The following STS variants were observed in gnomAD, a reference collection of about 807,000 sequenced individuals.
STS encodes steryl-sulfatase.
STS carries 7 observed loss-of-function variants against 26.8 expected under a neutral mutation model. That is an observed-to-expected ratio of 0.26 (90% CI 0.15 to 0.49). The LOEUF is 0.49. STS is among the 20% of genes least tolerant of loss of function. STS has a pLI of 0.98. For missense variants in STS, 434 were observed against 465.6 expected, an observed-to-expected ratio of 0.93 and a Z score of 0.63; for synonymous variants, 199 against 189.4, an observed-to-expected ratio of 1.05 and a Z score of -0.42.
intron 7 of STS, among the ~76,000 whole-genome samples, chrX:7,283,305 C>G (rs1169583551): frequency 9.0e-6 from 1 of 111,725 alleles, no homozygotes; most frequent in Non-Finnish European, 1.9e-5. Context: ...CAGCCAAAAA[C>G]TGGGAAGACA....
chrX:7,268,768 T>C (rs775421718), intron 6 of STS, among the ~76,000 whole-genome samples: 1 of 111,115 alleles, frequency 9.0e-6, no homozygotes, highest in African/African-American at 3.3e-5. Flanking sequence ...TCCTAGCACT[T>C]TGGGAAGCCT....
chrX:7,174,006 T>A (rs774458892), intron 1 of STS, among the ~76,000 whole-genome samples: 1 of 111,539 alleles, frequency 9.0e-6, no homozygotes, highest in Non-Finnish European at 1.9e-5. Context: ...ATTGTTCAGA[T>A]AAAAATATAG....
At chrX:7,345,619 C>T (rs999349303) in intron 10 of STS, among the ~76,000 whole-genome samples, 1 of 111,360 alleles carries the variant, frequency 9.0e-6, no homozygotes, top group Non-Finnish European at 1.9e-5. Context: ...GTTATCATGT[C>T]ATGCTTCAAG....
At chrX:7,274,533 G>A (rs1382079936) in intron 6 of STS, among the ~76,000 whole-genome samples, 1 of 111,996 alleles carries the variant, frequency 8.9e-6, no homozygotes. Flanking sequence ...TTTCTCAGAG[G>A]GCAACCCGAT....
At chrX:7,172,359 C>T (rs1933484036) in intron 1 of STS, among the ~76,000 whole-genome samples, 1 of 110,951 alleles carries the variant, frequency 9.0e-6, no homozygotes, top group Non-Finnish European at 1.9e-5. Context: ...GCCTGTTTTC[C>T]GCTTGAGCAC....
intron 10 of STS, among the ~76,000 whole-genome samples, chrX:7,337,383 G>A (rs762867494): frequency 1.8e-5 from 2 of 111,865 alleles, no homozygotes; most frequent in Non-Finnish European, 1.9e-5. Flanking sequence ...TGGGAATACA[G>A]GGATGCGTAA....
chrX:7,276,506 G>A (rs752411657), intron 7 of STS, among the ~76,000 whole-genome samples: 17 of 111,994 alleles, frequency 1.5e-4, no homozygotes, highest in Non-Finnish European at 3.2e-4. Context: ...TCTTTTGCAT[G>A]TCTGCAGTTC....
At chrX:7,330,033 G>A (rs750056935) in intron 9 of STS, among the ~76,000 whole-genome samples, 4 of 111,424 alleles carry the variant, frequency 3.6e-5, no homozygotes, top group South Asian at 7.6e-4. Context: ...TCATATGCAC[G>A]TTAGTGATTC....
intron 1 of STS, among the ~76,000 whole-genome samples, chrX:7,170,792 T>C (rs1397094371): frequency 9.0e-6 from 1 of 111,311 alleles, no homozygotes; most frequent in Non-Finnish European, 1.9e-5. Context: ...GCATAAATTA[T>C]TTTTAAAAAT....
chrX:7,179,614 C>T (rs1291000784), intron 1 of STS, among the ~76,000 whole-genome samples: 1 of 112,552 alleles, frequency 8.9e-6, no homozygotes, highest in Non-Finnish European at 1.9e-5. Context: ...AATGTTCCCA[C>T]TTGTTAAAAA....
intron 2 of STS, among the ~76,000 whole-genome samples, chrX:7,195,682 T>C (rs1933960438): frequency 8.9e-6 from 1 of 112,548 alleles, no homozygotes; most frequent in African/African-American, 3.2e-5. Flanking sequence ...TGTTCAGTGC[T>C]TGGCAAACTG....
At chrX:7,282,838 GA>G (rs2054824238) in intron 7 of STS, among the ~76,000 whole-genome samples, 1 of 111,950 alleles carries the variant, frequency 8.9e-6, no homozygotes, top group Admixed American at 9.5e-5. Context: ...ACACAGATAT[GA>G]ATAAGGTTGA....
At position 7,259,578 on chromosome X, in the gene STS, C is replaced by A; in HGVS notation, c.612C>A (p.Leu204=). The change falls in exon 6 of 11, where the codon CTC becomes CTA. Residue 204 remains leucine (L), a synonymous_variant. Coordinates refer to ENST00000674429, the MANE Select transcript of STS (RefSeq NM_001320752.2). ...TLAALNCLGL[L]HVPLGVFFSL... ...CTGCACTCAATTGTCTGGGGCTACT[C>A]CACGTGCCTCTAGGCGTTTTTTTCA... 8.3e-7 allele frequency: 1 copy of A among 1,211,592 alleles called. No homozygotes were observed.
chrX:7,196,111 A>G (rs1466858887), intron 2 of STS, among the ~76,000 whole-genome samples: 6 of 104,578 alleles, frequency 5.7e-5, no homozygotes, highest in Non-Finnish European at 1.2e-4. Flanking sequence ...CAAATAGTTT[A>G]TTAACATGGA....
At chrX:7,349,316 C>CTTTTTTTTTTT (rs1178578773) in intron 10 of STS, among the ~76,000 whole-genome samples, 2 of 52,887 alleles carry the variant, frequency 3.8e-5, no homozygotes, top group Admixed American at 2.9e-4. Context: ...CATTTAATTC[C>CTTTTTTTTTTT]TTTTTTTTTT....
intron 6 of STS, among the ~76,000 whole-genome samples, chrX:7,273,214 T>C (rs1924371470): frequency 9.0e-6 from 1 of 111,113 alleles, no homozygotes; most frequent in Non-Finnish European, 1.9e-5. Context: ...CTGTAGGGGA[T>C]GCTTAACAAT....
chrX:7,186,043 A>G (rs1333950000), intron 1 of STS, among the ~76,000 whole-genome samples: 3 of 112,033 alleles, frequency 2.7e-5, no homozygotes, highest in Non-Finnish European at 3.8e-5. Flanking sequence ...TGGACTTGTG[A>G]AAATGTTTAT....
intron 2 of STS, among the ~76,000 whole-genome samples, chrX:7,202,321 G>C (rs1046273408): frequency 9.0e-6 from 1 of 111,054 alleles, no homozygotes; most frequent in Non-Finnish European, 1.9e-5. Context: ...AAACATGTTT[G>C]TTTGAGAACA....
chrX:7,267,553 G>A (rs1453062777), intron 6 of STS, among the ~76,000 whole-genome samples: 1 of 111,950 alleles, frequency 8.9e-6, no homozygotes. Context: ...CAGATATGTT[G>A]GCCTCTTCTC....
Sources: gnomAD v4.1 joint callset for allele counts (sites outside exome capture counted in the v4.1 genomes callset) on GRCh38, gnomAD v4.1.1 for gene constraint, MANE v1.5 for transcripts, NCBI Gene and HGNC (gene_info 2026-07-23, HGNC 2026-07-21) for gene names.